Variants in ZBED6 observed in about 807,000 individuals in gnomAD.
The protein encoded by ZBED6 is zinc finger BED domain-containing protein 6.
A neutral mutation model predicts 58.4 loss-of-function variants in ZBED6; 40 were observed. The observed-to-expected ratio is 0.68, with a 90% CI of 0.53 to 0.89. ZBED6 has a LOEUF of 0.89. ZBED6 is among the 40% of genes least tolerant of loss of function. The probability of loss-of-function intolerance (pLI) is 0.00; values close to 1 mark genes in which losing one functional copy is unlikely to be tolerated. For synonymous variants in ZBED6, 439 were observed against 350.6 expected (o/e 1.25, Z -2.82); for missense variants, 1,057 against 1,003.9 (o/e 1.05, Z -0.71).
intron 11 of ZBED6, among the ~76,000 whole-genome samples, chr1:203,843,555 G>T (rs939933657): frequency 3.9e-5 from 6 of 152,104 alleles, no homozygotes; most frequent in Non-Finnish European, 7.4e-5. Flanking sequence ...AAATAACTTT[G>T]CAGTCCACAG....
chr1:203,796,759 A>T (rs1199420225), exon 1 of ZBED6: 1 of 291,374 alleles, frequency 3.4e-6, no homozygotes. Context: ...TCTGAAAACT[A>T]AACTTGAATT....
At chr1:203,819,823 C>T (rs951854680) in intron 3 of ZBED6, among the ~76,000 whole-genome samples, 2 of 151,462 alleles carry the variant, frequency 1.3e-5, no homozygotes, top group Non-Finnish European at 2.9e-5. Context: ...CATGAGCCAC[C>T]GCGCCCAGCC....
At position 203,798,855 on chromosome 1, in the gene ZBED6, AG is replaced by A; in HGVS notation, c.1335del (p.Arg445SerfsTer26). The A allele has an allele frequency of 6.5e-7, 1 of 1,536,138 alleles. No individual in the cohort carries two copies. Among genetic ancestry groups the A allele is most frequent in the Non-Finnish European group, 8.7e-7 (1 of 1,146,922 alleles). ...CATGCAGATTGTGGCCCCTGATTAT[AG>A]GTTGCCATCAGAGACTTACTTTTTC... On this transcript the variant is annotated frameshift_variant, in exon 1 of 17. Coordinates refer to ENST00000550078, the Ensembl canonical transcript of ZBED6. LOFTEE classifies it high-confidence loss of function.
rs566174923 is a variant in ZBED6 at position 203,840,251 on chromosome 1, A to C, written c.*3673-55A>C. 6.4e-6 allele frequency: 10 copies of C among 1,559,644 alleles called. No individual in the cohort carries two copies. The South Asian group carries it at 8.9e-5, about 14-fold the overall frequency. ...ACCATGCCCAGCAAACCTGTATTTA[A>C]GCTGTAAAAAGTTTCTGTTCAACTT... On this transcript the variant is annotated intron_variant, in intron 10 of 16. Coordinates refer to ENST00000550078, the Ensembl canonical transcript of ZBED6.
chr1:203,797,824 T>G, exon 1 of ZBED6: 1 of 1,536,118 alleles, frequency 6.5e-7, no homozygotes, highest in Non-Finnish European at 8.7e-7. Flanking sequence ...GCCCCTGCTT[T>G]GTTAGCTTCC....
intron 3 of ZBED6, among the ~76,000 whole-genome samples, chr1:203,827,599 G>A (rs1436702884): frequency 2.6e-5 from 4 of 151,580 alleles, no homozygotes; most frequent in Admixed American, 1.3e-4. Context: ...GGAGAATGGC[G>A]TGAACCCGGG....
chr1:203,803,951 T>A lies in ZBED6; in HGVS notation c.*2554+935T>A, dbSNP rs1671315540. ...GATTCTAGATGATTTTATAATCAAG[T>A]TCCAGTAATAAACTCTAATTGGGAT... On this transcript the variant is annotated intron_variant, in intron 1 of 16. Transcript: ENST00000550078. Among the ~76,000 whole-genome samples the A allele has an allele frequency of 2.0e-5, 3 of 152,304 alleles. 1 individual carries two copies. The Middle Eastern group carries it at 0.01, about 518-fold the overall frequency.
In ZBED6 at chr1:203,831,776, G is replaced by A; in HGVS notation, c.*3510+5G>A. ...TAACTCTCTCCACCAAACAAGGTAAGGTATAGATAGGTCTTAGAGTTGTCA... is the reference window on the plus strand; with the variant it reads ...TAACTCTCTCCACCAAACAAGGTAAAGTATAGATAGGTCTTAGAGTTGTCA... On this transcript the variant is annotated splice_donor_5th_base_variant and intron_variant, in intron 8 of 16. Coordinates refer to ENST00000550078, the Ensembl canonical transcript of ZBED6. 6.2e-7 allele frequency: 1 copy of A among 1,605,582 alleles called. No individual in the cohort carries two copies.
chr1:203,801,758 CTGGTTTCAAAGTT>C (rs1211906676), exon 1 of ZBED6: 1 of 151,724 alleles, frequency 6.6e-6, no homozygotes, highest in East Asian at 1.9e-4. Flanking sequence ...TGTTACTGGG[CTGGTTTCAAAGTT>C]TAGAACTCAT....
At chr1:203,832,889 C>A (rs1177735341) in intron 8 of ZBED6, among the ~76,000 whole-genome samples, 1 of 152,170 alleles carries the variant, frequency 6.6e-6, no homozygotes, top group Non-Finnish European at 1.5e-5. Flanking sequence ...AGCTTTATAA[C>A]CAATTGGTTA....
At chr1:203,820,206 G>A (rs1350921245) in intron 3 of ZBED6, among the ~76,000 whole-genome samples, 1 of 150,842 alleles carries the variant, frequency 6.6e-6, no homozygotes, top group African/African-American at 2.4e-5. Flanking sequence ...CTCCATTCTG[G>A]CCTGGGTGAC....
chr1:203,798,261 T>C, exon 1 of ZBED6: 1 of 1,536,024 alleles, frequency 6.5e-7, no homozygotes, highest in Non-Finnish European at 8.7e-7. Flanking sequence ...AAGAGGGAGA[T>C]TTCTCATCAA....
chr1:203,818,281 A>AGGGT lies in ZBED6; in HGVS notation c.*2754-289_*2754-288insGGGT, dbSNP rs1429216994. On this transcript the variant is annotated intron_variant, in intron 2 of 16. Transcript: ENST00000550078. ...ATGTCAGTTTTGAAGATGAACTGTAAAATACATTTTTAAAGAGGACCTAAC... is the reference window on the plus strand; with the variant it reads ...ATGTCAGTTTTGAAGATGAACTGTAAGGGTAATACATTTTTAAAGAGGACCTAAC... 1.5e-3 allele frequency among the ~76,000 whole-genome samples: 225 copies of AGGGT among 150,386 alleles called. 1 individual carries two copies. The highest frequency in any genetic ancestry group is 2.7e-3 in the Non-Finnish European group (179 of 66,546).
rs1668644246 is a variant in ZBED6 at position 203,796,746 on chromosome 1, ATATC to A, written c.-775_-772del. The A allele has an allele frequency of 3.2e-6, 1 of 314,300 alleles. No homozygotes were observed. The allele number at this position is 314,300 out of a possible 1,614,324, so 19.5% of individuals were successfully genotyped here. ...CTGTAAAAGCTTCTCAAGTCTAAAA[ATATC>A]TGAAAACTAAACTTGAATTAACTCT... On this transcript the variant is annotated 5_prime_UTR_variant, in exon 1 of 17. In the 5' UTR this introduces an upstream ATG that the reference lacks. Transcript: ENST00000550078.
exon 12 of ZBED6, chr1:203,847,305 T>C: frequency 6.2e-7 from 1 of 1,613,786 alleles, no homozygotes; most frequent in South Asian, 1.1e-5. Context: ...CTTCAAAAAC[T>C]GATGATTCTA....
chr1:203,841,208 G>A (rs1382046579), intron 11 of ZBED6, among the ~76,000 whole-genome samples: 2 of 151,130 alleles, frequency 1.3e-5, no homozygotes, highest in Non-Finnish European at 2.9e-5. Flanking sequence ...TCGGAGAGGG[G>A]GATTGGCAGG....
intron 16 of ZBED6, among the ~76,000 whole-genome samples, chr1:203,851,835 G>GACC (rs1377392785): frequency 2.0e-5 from 3 of 151,562 alleles, no homozygotes; most frequent in South Asian, 2.1e-4. Flanking sequence ...ATCACATGGT[G>GACC]ACACACACCT....
chr1:203,819,878 A>G (rs865862927), intron 3 of ZBED6, among the ~76,000 whole-genome samples: 1 of 151,624 alleles, frequency 6.6e-6, no homozygotes, highest in Middle Eastern at 3.2e-3. Flanking sequence ...ATATATTACC[A>G]TCGTTTAATC....
intron 10 of ZBED6, among the ~76,000 whole-genome samples, chr1:203,840,050 C>T (rs948837072): frequency 1.3e-5 from 2 of 150,360 alleles, no homozygotes; most frequent in Admixed American, 1.3e-4. Context: ...GTGATCCACC[C>T]ACCTCAGCCT....
Sources: gnomAD v4.1 joint callset for allele counts (sites outside exome capture counted in the v4.1 genomes callset) on GRCh38, gnomAD v4.1.1 for gene constraint, MANE v1.5 for transcripts, NCBI Gene and HGNC (gene_info 2026-07-23, HGNC 2026-07-21) for gene names.